Variants in BRIP1 observed in about 807,000 individuals in gnomAD.
BRIP1 encodes the protein BRCA1 interacting DNA helicase 1, also known as Fanconi anemia group J protein.
A neutral mutation model predicts 119.7 loss-of-function variants in BRIP1; 88 were observed. That is an observed-to-expected ratio of 0.74 (90% CI 0.62 to 0.88). BRIP1 has a LOEUF of 0.88. Among genes scored for constraint, BRIP1 ranks in the 40% least tolerant of loss-of-function variants. The pLI is 0.00. For missense variants in BRIP1, 1,259 were observed against 1,455.4 expected (o/e 0.87, Z 2.20); for synonymous variants, 443 against 496.5 (o/e 0.89, Z 1.43).
rs1231951975 is a variant in BRIP1, at chr17:61,709,342, AT to A, written c.2492+6608del. ...GTAGGTTTGACATTTTCATTTCTTT[AT>A]TATCATAGGATTTTGAGGGGGTGAA... On this transcript the variant is annotated intron_variant, in intron 17 of 19. Transcript: ENST00000259008. The surrounding 1 kb of genome is among the most constrained non-coding windows in gnomAD (Gnocchi z 5.0). Among the ~76,000 whole-genome samples the A allele has an allele frequency of 7.0e-6, 1 of 143,386 alleles. No individual in the cohort carries two copies. The highest frequency in any genetic ancestry group is 7.0e-5 in the Admixed American group (1 of 14,254). 94.1% of individuals were successfully genotyped at this position (143,386 alleles called of 152,430 possible).
rs780310294 is a variant in BRIP1 at position 61,793,693 on chromosome 17, T to A, written c.1377A>T (p.Arg459Ser). The A allele has an allele frequency of 6.2e-7, 1 of 1,610,792 alleles. No individual in the cohort carries two copies. The highest frequency in any genetic ancestry group is 8.5e-7 in the Non-Finnish European group (1 of 1,178,470). ...LEANAEYLVERDYESACKIWS... is the reference protein window; with the variant it reads ...LEANAEYLVESDYESACKIWS... ...ATATTTTACAAGCTGATTCATAATC[T>A]CTTTCTACAAGATATTCAGCGTTTG... Residue 459 changes from arginine to serine, a missense_variant, in exon 10 of 20, where the codon AGA (arginine) becomes AGT (serine). Physicochemically the swap from Arg to Ser is moderately radical, Grantham distance 110. Coordinates refer to ENST00000259008, the MANE Select transcript of BRIP1 (RefSeq NM_032043.3). The surrounding 1 kb of genome is among the most constrained non-coding windows in gnomAD (Gnocchi z 5.2).
rs56808894 is a variant in BRIP1 at position 61,734,956 on chromosome 17, G to A, written c.2379+8057C>T. Among the ~76,000 whole-genome samples, 2,874 of 152,078 alleles carry A rather than the reference G, an allele frequency of 0.019. 81 individuals carry two copies. Among genetic ancestry groups the A allele is most frequent in the African/African-American group, 0.063 (2,594 of 41,492 alleles). On this transcript the variant is annotated intron_variant, in intron 16 of 19. Coordinates refer to ENST00000259008, the MANE Select transcript of BRIP1 (RefSeq NM_032043.3). This position sits in a 1 kb window ranked among gnomAD's most constrained non-coding sequence, Gnocchi z 5.2. ...AAATAATGCAGAAATAGGTTGTTTCGTTTCTATAAGGTAGAACATTTAAAT... is the reference window on the plus strand; with the variant it reads ...AAATAATGCAGAAATAGGTTGTTTCATTTCTATAAGGTAGAACATTTAAAT...
At chr17:61,847,943 T>C (rs1024434605) in intron 5 of BRIP1, among the ~76,000 whole-genome samples, 1 of 152,222 alleles carries the variant, frequency 6.6e-6, no homozygotes, top group African/African-American at 2.4e-5. Context: ...TGAATACATT[T>C]TGTCGGGGGG....
In BRIP1 at chr17:61,776,031, G is replaced by A; in HGVS notation, c.2097+370C>T. 1 of 297,564 alleles carries A rather than the reference G, an allele frequency of 3.4e-6. No homozygotes were observed. Among genetic ancestry groups the A allele is most frequent in the South Asian group, 3.4e-5 (1 of 29,796 alleles). The allele number at this position is 297,564 out of a possible 1,614,324, so 18.4% of individuals were successfully genotyped here. ...CGCAGGTAGCTGGGACTATAGGTGTGTGCCACCACACCCAGCTAATTTTTG... is the reference window on the plus strand; with the variant it reads ...CGCAGGTAGCTGGGACTATAGGTGTATGCCACCACACCCAGCTAATTTTTG... On this transcript the variant is annotated intron_variant, in intron 14 of 19. Coordinates refer to ENST00000259008, the MANE Select transcript of BRIP1 (RefSeq NM_032043.3). The surrounding 1 kb of genome is among the most constrained non-coding windows in gnomAD (Gnocchi z 5.0).
chr17:61,696,284 G>A (rs930748559), intron 17 of BRIP1, among the ~76,000 whole-genome samples: 1 of 150,766 alleles, frequency 6.6e-6, no homozygotes, highest in Non-Finnish European at 1.5e-5. Flanking sequence ...ATTTTATAAA[G>A]CATGTTGAAC....
chr17:61,838,402 T>A (rs139456605), intron 6 of BRIP1, among the ~76,000 whole-genome samples: 1 of 151,674 alleles, frequency 6.6e-6, no homozygotes, highest in African/African-American at 2.4e-5. Context: ...AAAAATTAGC[T>A]GGGTGTGGTG....
chr17:61,787,417 A>G (rs1416244359), intron 10 of BRIP1, among the ~76,000 whole-genome samples: 1 of 136,100 alleles, frequency 7.3e-6, no homozygotes, highest in African/African-American at 2.7e-5. Context: ...AAATATTTAT[A>G]TAAAATATAT....
chr17:61,756,590 T>C lies in BRIP1; in HGVS notation c.2098-11999A>G, dbSNP rs974927041. 6.6e-6 allele frequency among the ~76,000 whole-genome samples: 1 copy of C among 152,230 alleles called. No individual in the cohort carries two copies. The highest frequency in any genetic ancestry group is 1.5e-5 in the Non-Finnish European group (1 of 68,038). On this transcript the variant is annotated intron_variant, in intron 14 of 19. Transcript: ENST00000259008. The surrounding 1 kb of genome is among the most constrained non-coding windows in gnomAD (Gnocchi z 4.3). ...GACACTTTAGAATGCCCATGTCTTA[T>C]CTGGATATTGTCATTTTACTTTGTC...
At position 61,680,540 on chromosome 17, in the gene BRIP1, C is replaced by T. The variant is rs182264505; in HGVS notation, c.*2756G>A. 0.011 allele frequency among the ~76,000 whole-genome samples: 1,503 copies of T among 135,082 alleles called. 13 individuals carry two copies. The highest frequency in any genetic ancestry group is 0.026 in the South Asian group (111 of 4,246). The allele number at this position is 135,082 out of a possible 152,430, so 88.6% of individuals were successfully genotyped here. The stretch of plus-strand genomic sequence containing the variant: ...TGTCGCCCAGGCTGGAGTGCAGTGG[C>T]GCAATCTCGGCTCACTGCAAGCTCC... On this transcript the variant is annotated 3_prime_UTR_variant, in exon 20 of 20. Transcript: ENST00000259008.
intron 10 of BRIP1, among the ~76,000 whole-genome samples, chr17:61,785,824 C>T (rs376080115): frequency 2.0e-5 from 3 of 151,952 alleles, no homozygotes; most frequent in Non-Finnish European, 2.9e-5. Context: ...AAAGGTGAGG[C>T]GCTGTACTAA....
intron 6 of BRIP1, among the ~76,000 whole-genome samples, chr17:61,826,408 A>C (rs949133687): frequency 6.6e-6 from 1 of 152,202 alleles, no homozygotes; most frequent in Non-Finnish European, 1.5e-5. Flanking sequence ...ACCCAATAAA[A>C]TTAAAGAGTT....
At position 61,795,732 on chromosome 17, in the gene BRIP1, C is replaced by A. The variant is rs1002308359; in HGVS notation, c.1341-2003G>T. 3.9e-5 allele frequency among the ~76,000 whole-genome samples: 6 copies of A among 152,020 alleles called. No homozygotes were observed. Among genetic ancestry groups the A allele is most frequent in the Non-Finnish European group, 5.9e-5 (4 of 67,960 alleles). On this transcript the variant is annotated intron_variant, in intron 9 of 19. Coordinates refer to ENST00000259008, the MANE Select transcript of BRIP1 (RefSeq NM_032043.3). The surrounding 1 kb of genome is among the most constrained non-coding windows in gnomAD (Gnocchi z 5.6). ...AGCAAACATGGGAGTATAGCTATAC[C>A]TTTGATATACTGATTTCCTTTATTT... is the stretch of plus-strand genomic sequence containing the variant.
intron 10 of BRIP1, among the ~76,000 whole-genome samples, chr17:61,791,300 C>T (rs1042325052): frequency 6.6e-6 from 1 of 151,684 alleles, no homozygotes; most frequent in African/African-American, 2.4e-5. Context: ...ACCAGCCTGG[C>T]CAACATGGTG....
At position 61,761,532 on chromosome 17, in the gene BRIP1, GT is replaced by G. The variant is rs983810669; in HGVS notation, c.2097+14868del. On this transcript the variant is annotated intron_variant, in intron 14 of 19. Coordinates refer to ENST00000259008, the MANE Select transcript of BRIP1 (RefSeq NM_032043.3). The surrounding 1 kb of genome is among the most constrained non-coding windows in gnomAD (Gnocchi z 6.4). ...CCCCTAAAGACTACAACAAAAAACT[GT>G]TAGAACTAATAAATGAATAAATACA... 1.1e-4 allele frequency among the ~76,000 whole-genome samples: 16 copies of G among 151,936 alleles called. No homozygotes were observed. The highest frequency in any genetic ancestry group is 3.9e-4 in the African/African-American group (16 of 41,502).
rs553707673 is a variant in BRIP1, at chr17:61,700,254, C to T, written c.2493-6742G>A. Among the ~76,000 whole-genome samples the T allele has an allele frequency of 1.3e-5, 2 of 152,250 alleles. No homozygotes were observed. Among genetic ancestry groups the T allele is most frequent in the African/African-American group, 4.8e-5 (2 of 41,546 alleles). On this transcript the variant is annotated intron_variant, in intron 17 of 19. Transcript: ENST00000259008. This position sits in a 1 kb window ranked among gnomAD's most constrained non-coding sequence, Gnocchi z 4.1. ...TAAGCAAGAAGTACCTTTATATTAA[C>T]TTTTACATTTACGTATGTCGTTAAC...
chr17:61,846,997 C>T lies in BRIP1; in HGVS notation c.627+104G>A, dbSNP rs1460556029. ...GCATTGAGGACTTCTGAGTGGGTTGCTACTGTCCTTTGTATTATACTATTG... is the reference window on the plus strand; with the variant it reads ...GCATTGAGGACTTCTGAGTGGGTTGTTACTGTCCTTTGTATTATACTATTG... On this transcript the variant is annotated intron_variant, in intron 6 of 19. Transcript: ENST00000259008. This position sits in a 1 kb window ranked among gnomAD's most constrained non-coding sequence, Gnocchi z 4.3. The T allele has an allele frequency of 7.0e-7, 1 of 1,422,576 alleles. No individual in the cohort carries two copies. Among genetic ancestry groups the T allele is most frequent in the Non-Finnish European group, 9.8e-7 (1 of 1,022,946 alleles). 88.1% of individuals were successfully genotyped at this position (1,422,576 alleles called of 1,614,324 possible). A position where few individuals can be genotyped will look rare whatever the true frequency, so the allele number is the denominator to read the frequency against.
chr17:61,783,586 AT>A (rs904680396), intron 11 of BRIP1, among the ~76,000 whole-genome samples: 40 of 152,226 alleles, frequency 2.6e-4, no homozygotes, highest in African/African-American at 9.1e-4. Context: ...TAAAAAAAAA[AT>A]ACCAGAACTA....
At position 61,780,757 on chromosome 17, in the gene BRIP1, T is replaced by C; in HGVS notation, c.1794+83A>G. The C allele has an allele frequency of 6.8e-7, 1 of 1,467,356 alleles. No individual in the cohort carries two copies. The highest frequency in any genetic ancestry group is 1.1e-5 in the South Asian group (1 of 87,474). 90.9% of individuals were successfully genotyped at this position (1,467,356 alleles called of 1,614,324 possible). On this transcript the variant is annotated intron_variant, in intron 12 of 19. Coordinates refer to ENST00000259008, the MANE Select transcript of BRIP1 (RefSeq NM_032043.3). The surrounding 1 kb of genome is among the most constrained non-coding windows in gnomAD (Gnocchi z 5.4). Reference sequence around the variant, plus strand: ...AACAACAACAACAACAACAAACAACTATCTTTAAAAGAGTCAACCACATTT... The same window carrying C: ...AACAACAACAACAACAACAAACAACCATCTTTAAAAGAGTCAACCACATTT...
In BRIP1 at chr17:61,681,542, C is replaced by G. The variant is rs546886816; in HGVS notation, c.*1754G>C. 4 of 207,182 alleles carry G rather than the reference C, an allele frequency of 1.9e-5. No individual in the cohort carries two copies. In the South Asian group the frequency reaches 7.6e-4, roughly 39 times the overall value. 12.8% of individuals were successfully genotyped at this position (207,182 alleles called of 1,614,324 possible). ...CCAGGTATTTATTCGTTTCACTACCCTACTATCCCTATCTGTGGTTTAAGA... is the reference window on the plus strand; with the variant it reads ...CCAGGTATTTATTCGTTTCACTACCGTACTATCCCTATCTGTGGTTTAAGA... On this transcript the variant is annotated 3_prime_UTR_variant, in exon 20 of 20. Coordinates refer to ENST00000259008, the MANE Select transcript of BRIP1 (RefSeq NM_032043.3). The surrounding 1 kb of genome is among the most constrained non-coding windows in gnomAD (Gnocchi z 5.1).
Sources: allele counts gnomAD v4.1 joint callset (sites outside exome capture counted in the v4.1 genomes callset), GRCh38; gene constraint gnomAD v4.1.1; non-coding constraint Gnocchi (gnomAD v3.1); transcripts MANE v1.5; gene names NCBI Gene and HGNC (gene_info 2026-07-23, HGNC 2026-07-21).